Variants in HS3ST5 observed in about 807,000 individuals in gnomAD.
HS3ST5 encodes the protein heparan sulfate glucosamine 3-O-sulfotransferase 5.
A neutral mutation model predicts 25.4 loss-of-function variants in HS3ST5; 10 were observed. That is an observed-to-expected ratio of 0.39 (90% CI 0.24 to 0.67). The LOEUF (loss-of-function observed/expected upper bound fraction) is 0.67, where lower values mean the gene tolerates loss of function less well. Among genes scored for constraint, HS3ST5 ranks in the 30% least tolerant of loss-of-function variants. HS3ST5 has a pLI of 0.44. For missense variants in HS3ST5, 324 were observed against 420.7 expected (o/e 0.77, Z 2.01); for synonymous variants, 170 against 162.4 (o/e 1.05, Z -0.36).
intron 3 of HS3ST5, chr6:114,142,748 C>T (rs1041087128): frequency 1.2e-4 from 18 of 152,134 alleles, no homozygotes; most frequent in African/African-American, 4.1e-4. Flanking sequence ...CACAAATAGT[C>T]CCATACCAAG....
chr6:114,124,339 G>C (rs140170953), intron 3 of HS3ST5, among the ~76,000 whole-genome samples: 82 of 152,258 alleles, frequency 5.4e-4, no homozygotes, highest in Non-Finnish European at 9.0e-4. Flanking sequence ...GTGTGCCAAG[G>C]ATGCATTTTG....
chr6:114,093,553 C>T lies in HS3ST5; in HGVS notation c.-32-30676G>A, dbSNP rs370597036. The stretch of plus-strand genomic sequence containing the variant: ...ACCTTCTTCCAACCTTCTGGCTCTG[C>T]CATGGGCTTTGCCTTCTGAGTTCTG... On this transcript the variant is annotated intron_variant, in intron 3 of 4. Transcript: ENST00000312719. 1.2e-4 allele frequency among the ~76,000 whole-genome samples: 18 copies of T among 152,126 alleles called. 1 individual carries two copies. The East Asian group carries it at 3.3e-3, about 28-fold the overall frequency.
In HS3ST5 at chr6:114,084,636, A is replaced by G. The variant is rs1240992346; in HGVS notation, c.-32-21759T>C. The G allele has an allele frequency of 3.5e-6, 3 of 859,330 alleles. No homozygotes were observed. The African/African-American group carries it at 4.9e-5, about 14-fold the overall frequency. 53.2% of individuals were successfully genotyped at this position (859,330 alleles called of 1,614,324 possible). On this transcript the variant is annotated intron_variant, in intron 3 of 4. Transcript: ENST00000312719. ...AGAGCAATGCTAGGTAGGTTAACAT[A>G]AGATGCCTTAATGAGAGGCTGATGG...
chr6:114,145,164 A>T (rs918840656), intron 3 of HS3ST5, among the ~76,000 whole-genome samples: 1 of 152,152 alleles, frequency 6.6e-6, no homozygotes. Context: ...CCACATTCCT[A>T]CAAGCCCCGG....
chr6:114,073,073 G>A (rs1328414638), intron 3 of HS3ST5, among the ~76,000 whole-genome samples: 1 of 152,142 alleles, frequency 6.6e-6, no homozygotes, highest in Non-Finnish European at 1.5e-5. Context: ...AATGGTGCTG[G>A]GAAAACTGGC....
intron 3 of HS3ST5, among the ~76,000 whole-genome samples, chr6:114,148,759 A>G (rs1240548094): frequency 1.3e-5 from 2 of 152,256 alleles, no homozygotes; most frequent in Non-Finnish European, 2.9e-5. Context: ...ATTAAACTAA[A>G]GAGCTTCTGC....
chr6:114,336,067 T>G (rs1397431702), intron 1 of HS3ST5, among the ~76,000 whole-genome samples: 2 of 152,090 alleles, frequency 1.3e-5, no homozygotes, highest in Non-Finnish European at 2.9e-5. Flanking sequence ...CCATCAAGAG[T>G]AAGAGAACCC....
intron 1 of HS3ST5, among the ~76,000 whole-genome samples, chr6:114,281,530 T>G (rs1222035287): frequency 6.6e-6 from 1 of 151,992 alleles, no homozygotes; most frequent in Non-Finnish European, 1.5e-5. Context: ...CAATCACCTG[T>G]GGCCACATGG....
intron 1 of HS3ST5, among the ~76,000 whole-genome samples, chr6:114,232,507 T>C (rs1346692019): frequency 6.6e-6 from 1 of 152,116 alleles, no homozygotes; most frequent in Admixed American, 6.5e-5. Flanking sequence ...TTATTTCTAA[T>C]TGAATAGTTG....
intron 2 of HS3ST5, among the ~76,000 whole-genome samples, chr6:114,205,028 T>C (rs1042838208): frequency 6.6e-6 from 1 of 152,154 alleles, no homozygotes; most frequent in Non-Finnish European, 1.5e-5. Context: ...CTTGAGGGCA[T>C]AGTGAACACT....
intron 2 of HS3ST5, among the ~76,000 whole-genome samples, chr6:114,197,750 GC>G (rs1780830401): frequency 6.6e-6 from 1 of 152,164 alleles, no homozygotes; most frequent in Admixed American, 6.5e-5. Context: ...ATGTTTCTGT[GC>G]TAATTTGCTT....
Position 114,144,585 on chromosome 6 carries a change from T to C in HS3ST5, c.-33+23766A>G, listed in dbSNP as rs557122426. On this transcript the variant is annotated intron_variant, in intron 3 of 4. Transcript: ENST00000312719. ...AGAAGTTAGTTCTCAAATAAATGCA[T>C]CTACAGGACATAAGCAGAAACATGG... Among the ~76,000 whole-genome samples, 96 of 152,278 alleles carry C rather than the reference T, an allele frequency of 6.3e-4. 1 individual carries two copies. Among genetic ancestry groups the C allele is most frequent in the African/African-American group, 2.1e-3 (88 of 41,564 alleles).
intron 3 of HS3ST5, among the ~76,000 whole-genome samples, chr6:114,086,524 C>T (rs146155426): frequency 1.3e-5 from 2 of 152,160 alleles, no homozygotes; most frequent in African/African-American, 4.8e-5. Context: ...CATCTCCAGA[C>T]GAGAGCACAA....
At chr6:114,068,570 G>A (rs994578888) in intron 3 of HS3ST5, among the ~76,000 whole-genome samples, 3 of 152,162 alleles carry the variant, frequency 2.0e-5, no homozygotes, top group African/African-American at 7.2e-5. Context: ...CACACCATTT[G>A]ATCCTTACGG....
intron 2 of HS3ST5, among the ~76,000 whole-genome samples, chr6:114,198,934 A>G (rs1009604881): frequency 2.8e-4 from 42 of 152,148 alleles, no homozygotes; most frequent in African/African-American, 9.2e-4. Flanking sequence ...AGTGCCCTCG[A>G]GCAGTGAATT....
At chr6:114,078,520 T>A (rs1455572976) in intron 3 of HS3ST5, among the ~76,000 whole-genome samples, 1 of 152,146 alleles carries the variant, frequency 6.6e-6, no homozygotes, top group East Asian at 1.9e-4. Flanking sequence ...CAAAATACTA[T>A]CCATTTGTAT....
chr6:114,203,029 G>A lies in HS3ST5; in HGVS notation c.-145+25556C>T, dbSNP rs72495380. Among the ~76,000 whole-genome samples the A allele has an allele frequency of 2.4e-4, 36 of 152,336 alleles. No individual in the cohort carries two copies. In the East Asian group the frequency reaches 6.2e-3, roughly 26 times the overall value. On this transcript the variant is annotated intron_variant, in intron 2 of 4. Coordinates refer to ENST00000312719, the MANE Select transcript of HS3ST5 (RefSeq NM_153612.4). ...GTTTTGTAATCAGAACTGGTGGTTA[G>A]TTAACTGCGAAAGTGGCTAAAGTGG...
intron 1 of HS3ST5, among the ~76,000 whole-genome samples, chr6:114,330,826 C>T (rs1245401547): frequency 6.6e-6 from 1 of 152,156 alleles, no homozygotes; most frequent in African/African-American, 2.4e-5. Context: ...ATGTCTTCCC[C>T]AGCCTTGTGT....
At position 114,299,826 on chromosome 6, in the gene HS3ST5, G is replaced by A. The variant is rs1039314071; in HGVS notation, c.-339+42369C>T. Among the ~76,000 whole-genome samples the A allele has an allele frequency of 2.0e-5, 3 of 152,260 alleles. No homozygotes were observed. In the East Asian group the frequency reaches 5.8e-4, roughly 29 times the overall value. On this transcript the variant is annotated intron_variant, in intron 1 of 4. Coordinates refer to ENST00000312719, the MANE Select transcript of HS3ST5 (RefSeq NM_153612.4). ...AACTAGAAATATACTATACCTCAGT[G>A]AAATTTCTACATGAGGTTAAGAAGA...
Sources: gnomAD v4.1 joint callset for allele counts (sites outside exome capture counted in the v4.1 genomes callset) on GRCh38, gnomAD v4.1.1 for gene constraint, MANE v1.5 for transcripts, NCBI Gene and HGNC (gene_info 2026-07-23, HGNC 2026-07-21) for gene names.